The following WWOX variants were observed in gnomAD, a reference collection of about 807,000 sequenced individuals.
WWOX encodes WW domain-containing oxidoreductase.
A neutral mutation model predicts 46.2 loss-of-function variants in WWOX; 69 were observed. The observed-to-expected ratio is 1.49, with a 90% CI of 1.23 to 1.82. The LOEUF (loss-of-function observed/expected upper bound fraction) is 1.82. WWOX is among the 40% of genes most tolerant of loss of function. WWOX has a pLI of 0.00. For synonymous variants in WWOX, 359 were observed against 202.6 expected, an observed-to-expected ratio of 1.77 and a Z score of -6.56; for missense variants, 919 against 542.6, an observed-to-expected ratio of 1.69 and a Z score of -6.89.
At chr16:78,215,269 T>C (rs2151792086) in intron 5 of WWOX, among the ~76,000 whole-genome samples, 1 of 152,288 alleles carries the variant, frequency 6.6e-6, no homozygotes, top group East Asian at 1.9e-4. Context: ...ATCCTCATGA[T>C]GATTGGTATG....
intron 5 of WWOX, among the ~76,000 whole-genome samples, chr16:78,218,356 G>A (rs1384460905): frequency 6.6e-6 from 1 of 151,978 alleles, no homozygotes; most frequent in African/African-American, 2.4e-5. Context: ...CAAAGTGCTG[G>A]GATTACAAGC....
intron 8 of WWOX, among the ~76,000 whole-genome samples, chr16:78,960,605 C>G (rs562157050): frequency 6.6e-6 from 1 of 152,156 alleles, no homozygotes. Context: ...ATCCATTGGT[C>G]AGAAATAAGG....
intron 8 of WWOX, among the ~76,000 whole-genome samples, chr16:79,144,662 C>T (rs976996741): frequency 2.0e-5 from 3 of 151,878 alleles, no homozygotes; most frequent in Admixed American, 6.6e-5. Context: ...ATATTAAGTT[C>T]GTTCATATCT....
chr16:78,790,190 G>C (rs2050558542), intron 8 of WWOX, among the ~76,000 whole-genome samples: 1 of 152,152 alleles, frequency 6.6e-6, no homozygotes, highest in African/African-American at 2.4e-5. Context: ...GGGCTGGAGT[G>C]CAGTGGTGCG....
At chr16:78,328,396 C>A (rs1004586780) in intron 5 of WWOX, among the ~76,000 whole-genome samples, 2 of 152,140 alleles carry the variant, frequency 1.3e-5, no homozygotes, top group Non-Finnish European at 2.9e-5. Flanking sequence ...TAGAATCCTT[C>A]AACACATACT....
chr16:78,416,763 A>G (rs1176794312), intron 6 of WWOX, among the ~76,000 whole-genome samples: 2 of 152,258 alleles, frequency 1.3e-5, no homozygotes, highest in Admixed American at 6.5e-5. Context: ...TGTCTTGTGG[A>G]TAAAAGTGAA....
At chr16:78,452,475 C>CTTTTTTTTTTTT (rs397945707) in intron 8 of WWOX, among the ~76,000 whole-genome samples, 5 of 126,054 alleles carry the variant, frequency 4.0e-5, no homozygotes, top group East Asian at 2.3e-4. Flanking sequence ...CTCTCTCTCT[C>CTTTTTTTTTTTT]TTTTTTTTTT....
At chr16:78,752,782 C>A (rs957677298) in intron 8 of WWOX, among the ~76,000 whole-genome samples, 23 of 152,164 alleles carry the variant, frequency 1.5e-4, no homozygotes, top group Middle Eastern at 3.2e-3. Flanking sequence ...AAGTAGTCTC[C>A]AATAAATTTA....
intron 8 of WWOX, among the ~76,000 whole-genome samples, chr16:78,728,205 C>T (rs545856064): frequency 6.6e-5 from 10 of 151,588 alleles, no homozygotes; most frequent in South Asian, 4.2e-4. Flanking sequence ...GCTGTGACTA[C>T]GGACACATGC....
At chr16:78,206,302 G>A (rs115733675) in intron 5 of WWOX, among the ~76,000 whole-genome samples, 10 of 152,058 alleles carry the variant, frequency 6.6e-5, no homozygotes, top group Admixed American at 2.0e-4. Flanking sequence ...TTTATTTCTC[G>A]TTAAATGTCC....
chr16:79,196,568 G>C (rs969590993), intron 8 of WWOX: 10 of 152,084 alleles, frequency 6.6e-5, no homozygotes, highest in African/African-American at 2.4e-4. Context: ...TAAATCGCAA[G>C]ATTTCCAATC....
intron 8 of WWOX, among the ~76,000 whole-genome samples, chr16:79,152,250 A>T (rs374673547): frequency 2.4e-4 from 37 of 152,172 alleles, no homozygotes; most frequent in African/African-American, 8.0e-4. Context: ...GTGATGGATG[A>T]GGCAGAGAAG....
intron 4 of WWOX, among the ~76,000 whole-genome samples, chr16:78,158,185 A>T (rs2034667589): frequency 6.6e-6 from 1 of 152,198 alleles, no homozygotes; most frequent in Non-Finnish European, 1.5e-5. Flanking sequence ...GATATGAATG[A>T]ATGAACTTTA....
intron 8 of WWOX, among the ~76,000 whole-genome samples, chr16:78,986,681 T>C (rs1224425870): frequency 2.6e-5 from 4 of 152,212 alleles, no homozygotes; most frequent in Admixed American, 6.5e-5. Flanking sequence ...TTCTCTTTAA[T>C]AGAGTGTTCT....
At chr16:78,755,430 A>G (rs1403816149) in intron 8 of WWOX, among the ~76,000 whole-genome samples, 2 of 151,896 alleles carry the variant, frequency 1.3e-5, no homozygotes, top group Non-Finnish European at 2.9e-5. Flanking sequence ...ACATGTTGGG[A>G]TGATGGGGTC....
chr16:78,608,244 T>G (rs536309011), intron 8 of WWOX, among the ~76,000 whole-genome samples: 1 of 152,090 alleles, frequency 6.6e-6, no homozygotes, highest in Non-Finnish European at 1.5e-5. Context: ...GAAAATACAC[T>G]CAGGACCAGG....
intron 8 of WWOX, among the ~76,000 whole-genome samples, chr16:78,912,297 C>G (rs1235370136): frequency 3.9e-5 from 6 of 152,050 alleles, no homozygotes. Context: ...GTGCCAGGCA[C>G]TATGCTATGC....
chr16:79,134,642 G>C (rs184958781), intron 8 of WWOX, among the ~76,000 whole-genome samples: 94 of 152,242 alleles, frequency 6.2e-4, no homozygotes, highest in African/African-American at 2.1e-3. Flanking sequence ...GACACACACA[G>C]AAACATATAC....
chr16:78,404,613 G>A (rs1348491760), intron 6 of WWOX, among the ~76,000 whole-genome samples: 4 of 152,050 alleles, frequency 2.6e-5, no homozygotes, highest in South Asian at 4.1e-4. Context: ...TCTTAAGGAC[G>A]GGACTATGGT....
Sources: gnomAD v4.1 joint callset for allele counts (sites outside exome capture counted in the v4.1 genomes callset) on GRCh38, gnomAD v4.1.1 for gene constraint, MANE v1.5 for transcripts, NCBI Gene and HGNC (gene_info 2026-07-23, HGNC 2026-07-21) for gene names.